RSU1: variants seen among roughly 807,000 people sequenced by gnomAD.
RSU1 encodes rsu-1.
RSU1 carries 26 observed loss-of-function variants against 31.1 expected under a neutral mutation model. The ratio of observed to expected loss-of-function variants is 0.84; its 90% CI spans 0.61 to 1.16. RSU1 has a LOEUF of 1.16. Among genes scored for constraint, RSU1 ranks in the 50% most tolerant of loss-of-function variants. RSU1 has a pLI of 0.00. For missense variants in RSU1, 320 were observed against 339.1 expected (o/e 0.94, Z 0.44); for synonymous variants, 164 against 136.3 (o/e 1.20, Z -1.41).
intron 8 of RSU1, among the ~76,000 whole-genome samples, chr10:16,640,355 C>A (rs151285338): frequency 1.5e-4 from 23 of 152,146 alleles, no homozygotes; most frequent in African/African-American, 5.6e-4. Flanking sequence ...TCTTCATCAT[C>A]CCCCTGGTCT....
At chr10:16,760,784 A>C (rs963458582) in intron 4 of RSU1, among the ~76,000 whole-genome samples, 2 of 152,126 alleles carry the variant, frequency 1.3e-5, no homozygotes, top group African/African-American at 2.4e-5. Context: ...CACCTGGGAC[A>C]TGAAGCTCGT....
chr10:16,618,132 A>T (rs116383464), intron 8 of RSU1, among the ~76,000 whole-genome samples: 6 of 152,182 alleles, frequency 3.9e-5, no homozygotes, highest in Non-Finnish European at 8.8e-5. Flanking sequence ...AAGTAAATTT[A>T]CAAGAAGAAA....
At chr10:16,661,287 CGTGTGTGT>C (rs56675037) in intron 8 of RSU1, among the ~76,000 whole-genome samples, 3,575 of 132,898 alleles carry the variant, frequency 0.027, 52 homozygotes, top group Non-Finnish European at 0.035. Flanking sequence ...GTAGAGAGTG[CGTGTGTGT>C]GTGTGTGTGT....
At chr10:16,702,400 C>G (rs1436830449) in intron 7 of RSU1, among the ~76,000 whole-genome samples, 4 of 152,246 alleles carry the variant, frequency 2.6e-5, no homozygotes, top group African/African-American at 9.6e-5. Context: ...CCGGGAAAAG[C>G]TGCAGGCACT....
intron 7 of RSU1, among the ~76,000 whole-genome samples, chr10:16,710,654 C>T (rs925163010): frequency 4.0e-5 from 6 of 151,854 alleles, no homozygotes; most frequent in African/African-American, 1.5e-4. Context: ...TTTGATGAAA[C>T]ATTTTTTTTA....
intron 8 of RSU1, among the ~76,000 whole-genome samples, chr10:16,594,605 ATATC>A (rs1343683702): frequency 2.0e-5 from 3 of 146,664 alleles, no homozygotes; most frequent in African/African-American, 7.5e-5. Context: ...ATCATATATA[ATATC>A]TATTATATGA....
intron 7 of RSU1, among the ~76,000 whole-genome samples, chr10:16,714,186 G>C (rs574122080): frequency 1.3e-5 from 2 of 152,346 alleles, no homozygotes; most frequent in African/African-American, 4.8e-5. Flanking sequence ...GAGCAGCTAC[G>C]TGGCTGTCTC....
intron 4 of RSU1, among the ~76,000 whole-genome samples, chr10:16,759,488 C>G (rs755511017): frequency 9.2e-5 from 14 of 152,216 alleles, no homozygotes; most frequent in Non-Finnish European, 1.6e-4. Flanking sequence ...GCCTGGGTGA[C>G]AGAGTGAGAT....
intron 2 of RSU1, among the ~76,000 whole-genome samples, chr10:16,787,800 T>C (rs906666879): frequency 6.6e-6 from 1 of 152,238 alleles, no homozygotes; most frequent in Non-Finnish European, 1.5e-5. Flanking sequence ...ACCTCTCTCT[T>C]TATAAATTAC....
At chr10:16,613,252 G>C (rs1048511690) in intron 8 of RSU1, among the ~76,000 whole-genome samples, 21 of 152,170 alleles carry the variant, frequency 1.4e-4, no homozygotes, top group Non-Finnish European at 2.6e-4. Flanking sequence ...TTTGCACGTT[G>C]TATATTAAGC....
intron 2 of RSU1, among the ~76,000 whole-genome samples, chr10:16,811,559 G>T (rs368407674): frequency 6.6e-6 from 1 of 152,160 alleles, no homozygotes; most frequent in Non-Finnish European, 1.5e-5. Context: ...AGCCACCAGG[G>T]CCACTAGAGC....
intron 2 of RSU1, among the ~76,000 whole-genome samples, chr10:16,789,210 T>G (rs1460935387): frequency 6.6e-6 from 1 of 152,252 alleles, no homozygotes; most frequent in East Asian, 1.9e-4. Context: ...AGTTGTGTTT[T>G]CTTTTCTTTT....
intron 2 of RSU1, among the ~76,000 whole-genome samples, chr10:16,785,485 TATACATATATATATACACATATATAC>T: frequency 7.6e-6 from 1 of 131,816 alleles, no homozygotes; most frequent in Non-Finnish European, 1.5e-5. Context: ...TATATACATA[TATACATATATATATACACATATATAC>T]ATATATATAT....
chr10:16,674,507 G>A (rs899737523), intron 8 of RSU1, among the ~76,000 whole-genome samples: 8 of 151,594 alleles, frequency 5.3e-5, no homozygotes, highest in Non-Finnish European at 8.8e-5. Flanking sequence ...GAGTCCACTA[G>A]GTGCCAGGCA....
intron 7 of RSU1, among the ~76,000 whole-genome samples, chr10:16,742,437 C>G (rs113094122): frequency 6.6e-6 from 1 of 152,064 alleles, no homozygotes; most frequent in Non-Finnish European, 1.5e-5. Context: ...CACTCACACA[C>G]GCATGCAATA....
chr10:16,617,492 CT>C (rs1833997342), intron 8 of RSU1, among the ~76,000 whole-genome samples: 1 of 152,038 alleles, frequency 6.6e-6, no homozygotes, highest in East Asian at 1.9e-4. Flanking sequence ...ACTACTTTAC[CT>C]TTCACATGGA....
At chr10:16,611,562 T>G (rs1175419484) in intron 8 of RSU1, among the ~76,000 whole-genome samples, 1 of 152,206 alleles carries the variant, frequency 6.6e-6, no homozygotes, top group African/African-American at 2.4e-5. Flanking sequence ...CCACTTTGCT[T>G]CTTTCCCTGC....
chr10:16,665,869 A>T (rs759881461), intron 8 of RSU1, among the ~76,000 whole-genome samples: 7 of 152,202 alleles, frequency 4.6e-5, no homozygotes, highest in Non-Finnish European at 8.8e-5. Flanking sequence ...AGGAACAAGG[A>T]CTCAACAGTT....
intron 8 of RSU1, among the ~76,000 whole-genome samples, chr10:16,630,270 A>G (rs1424721474): frequency 3.3e-5 from 5 of 152,178 alleles, no homozygotes; most frequent in African/African-American, 1.2e-4. Flanking sequence ...CCTGTATCAT[A>G]TCATATGTGT....
Sources: gnomAD v4.1 joint callset for allele counts (sites outside exome capture counted in the v4.1 genomes callset) on GRCh38, gnomAD v4.1.1 for gene constraint, MANE v1.5 for transcripts, NCBI Gene and HGNC (gene_info 2026-07-23, HGNC 2026-07-21) for gene names.